Variants in YWHAG observed in about 807,000 individuals in gnomAD.
YWHAG encodes the protein 14-3-3 protein gamma.
In YWHAG, 1 loss-of-function variant was observed where a neutral mutation model predicts 23.3. The ratio of observed to expected loss-of-function variants is 0.04; its 90% CI spans 0.02 to 0.20. The LOEUF is 0.20. YWHAG is among the 10% of genes least tolerant of loss of function. YWHAG has a pLI of 1.00. For synonymous variants in YWHAG, 160 were observed against 144.0 expected, an observed-to-expected ratio of 1.11 and a Z score of -0.80; for missense variants, 151 against 338.6, an observed-to-expected ratio of 0.45 and a Z score of 4.35.
chr7:76,333,628 C>G (rs983542958), intron 1 of YWHAG, among the ~76,000 whole-genome samples: 3 of 152,226 alleles, frequency 2.0e-5, no homozygotes, highest in Non-Finnish European at 4.4e-5. Context: ...TTTCCATAAA[C>G]CCTAGTTCCA....
intron 1 of YWHAG, among the ~76,000 whole-genome samples, chr7:76,341,500 A>C (rs1803693699): frequency 6.6e-6 from 1 of 151,988 alleles, no homozygotes. Flanking sequence ...GCAAATGTAC[A>C]TCAAATGAGG....
Position 76,329,724 on chromosome 7 carries a change from G to T in YWHAG, c.597C>A (p.Thr199=), listed in dbSNP as rs771197922. ...APEQACHLAK[T]AFDDAIAELD... ...GCTCGGCGATGGCGTCGTCGAACGC[G>T]GTCTTGGCCAAGTGGCACGCTTGCT... The change falls in exon 2 of 2, where the codon ACC becomes ACA. Residue 199 remains threonine, a synonymous_variant. Transcript: ENST00000307630. The surrounding 1 kb of genome is among the most constrained non-coding windows in gnomAD (Gnocchi z 6.1). 2 of 1,614,188 alleles carry T rather than the reference G, an allele frequency of 1.2e-6. No homozygotes were observed. Among genetic ancestry groups the T allele is most frequent in the South Asian group, 2.2e-5 (2 of 91,084 alleles).
At chr7:76,338,382 G>A (rs1270874906) in intron 1 of YWHAG, among the ~76,000 whole-genome samples, 1 of 152,198 alleles carries the variant, frequency 6.6e-6, no homozygotes, top group Admixed American at 6.5e-5. Flanking sequence ...TCACAGATGA[G>A]AGGAGAGCTG....
rs576781143 is a variant in YWHAG, at chr7:76,341,399, T to G, written c.88-11166A>C. Among the ~76,000 whole-genome samples the G allele has an allele frequency of 2.1e-4, 16 of 77,696 alleles. 1 individual carries two copies. In the East Asian group the frequency reaches 7.3e-3, roughly 36 times the overall value. 51.0% of individuals were successfully genotyped at this position (77,696 alleles called of 152,430 possible). A position where few individuals can be genotyped will look rare whatever the true frequency, so the allele number is the denominator to read the frequency against. On this transcript the variant is annotated intron_variant, in intron 1 of 1. Transcript: ENST00000307630. The stretch of plus-strand genomic sequence containing the variant: ...AGCCTGGGTGACAGGACAAGACTCT[T>G]GCCTCAAAAAAAAAAAAAAAAAAAA...
chr7:76,334,197 A>G (rs1204739126), intron 1 of YWHAG, among the ~76,000 whole-genome samples: 1 of 152,236 alleles, frequency 6.6e-6, no homozygotes. Flanking sequence ...TATCCTTTAG[A>G]TCATAATTAC....
At position 76,358,636 on chromosome 7, in the gene YWHAG, A is replaced by G; in HGVS notation, c.87+86T>C. ...GGGGCGGTCAACCCGCCATCGCGAC[A>G]GGGCGACGAAGCCCCGGGCCTTCCA... On this transcript the variant is annotated intron_variant, in intron 1 of 1. Transcript: ENST00000307630. 4 of 1,336,644 alleles carry G rather than the reference A, an allele frequency of 3.0e-6. No individual in the cohort carries two copies. The South Asian group carries it at 4.3e-5, about 14-fold the overall frequency. 82.8% of individuals were successfully genotyped at this position (1,336,644 alleles called of 1,614,324 possible).
In YWHAG at chr7:76,328,799, C is replaced by CAAA. The variant is rs202129187; in HGVS notation, c.*775_*777dup. ...ATTTACGTTAAGAGGAAAGAAGGAC[C>CAAA]AAAAAAAAAAAATCCCACAGCCACC... On this transcript the variant is annotated 3_prime_UTR_variant, in exon 2 of 2. Coordinates refer to ENST00000307630, the MANE Select transcript of YWHAG (RefSeq NM_012479.4). The CAAA allele has an allele frequency of 2.0e-5, 3 of 147,886 alleles. No homozygotes were observed. The highest frequency in any genetic ancestry group is 2.5e-5 in the African/African-American group (1 of 40,334). 9.2% of individuals were successfully genotyped at this position (147,886 alleles called of 1,614,324 possible). A position where few individuals can be genotyped will look rare whatever the true frequency, so the allele number is the denominator to read the frequency against.
chr7:76,330,972 G>A (rs1803533981), intron 1 of YWHAG, among the ~76,000 whole-genome samples: 1 of 152,106 alleles, frequency 6.6e-6, no homozygotes, highest in Admixed American at 6.6e-5. Flanking sequence ...AGACTAAAGT[G>A]GCATCTCAAA....
At chr7:76,351,317 T>C (rs1803869164) in intron 1 of YWHAG, among the ~76,000 whole-genome samples, 1 of 152,220 alleles carries the variant, frequency 6.6e-6, no homozygotes, top group South Asian at 2.1e-4. Flanking sequence ...CTAGCTTTCC[T>C]CGCCTTGGAA....
intron 1 of YWHAG, among the ~76,000 whole-genome samples, chr7:76,344,642 T>G (rs1347621187): frequency 6.6e-6 from 1 of 152,224 alleles, no homozygotes; most frequent in Non-Finnish European, 1.5e-5. Context: ...GGAATCAATG[T>G]CATGCTCACT....
At position 76,345,352 on chromosome 7, in the gene YWHAG, A is replaced by C. The variant is rs4728691; in HGVS notation, c.87+13370T>G. On this transcript the variant is annotated intron_variant, in intron 1 of 1. Coordinates refer to ENST00000307630, the MANE Select transcript of YWHAG (RefSeq NM_012479.4). Reference sequence around the variant, plus strand: ...AGGCACCCGCCACAATGCCCAGCTAATTTTTTGTATTTTTTAGTAGAGACG... The same window carrying C: ...AGGCACCCGCCACAATGCCCAGCTACTTTTTTGTATTTTTTAGTAGAGACG... 8.2e-4 allele frequency among the ~76,000 whole-genome samples: 125 copies of C among 151,652 alleles called. 4 individuals carry two copies. The East Asian group carries it at 0.024, about 29-fold the overall frequency.
chr7:76,335,476 A>C (rs1803603076), intron 1 of YWHAG, among the ~76,000 whole-genome samples: 1 of 152,266 alleles, frequency 6.6e-6, no homozygotes, highest in South Asian at 2.1e-4. Flanking sequence ...CCAGCTGCTA[A>C]GGAATCAGAT....
At chr7:76,336,888 G>A (rs1803624130) in intron 1 of YWHAG, among the ~76,000 whole-genome samples, 1 of 152,000 alleles carries the variant, frequency 6.6e-6, no homozygotes. Context: ...GAGAAATGCA[G>A]TGAGTGCTAA....
In YWHAG at chr7:76,353,213, A is replaced by T. The variant is rs974808963; in HGVS notation, c.87+5509T>A. 2.6e-5 allele frequency among the ~76,000 whole-genome samples: 4 copies of T among 151,918 alleles called. No individual in the cohort carries two copies. The East Asian group carries it at 5.8e-4, about 22-fold the overall frequency. The stretch of plus-strand genomic sequence containing the variant: ...TTAAAATTAAAGCTTTCTTTTGGGA[A>T]TTTTTTTTCTTTTTTTCAAGATGGA... On this transcript the variant is annotated intron_variant, in intron 1 of 1. Transcript: ENST00000307630.
intron 1 of YWHAG, among the ~76,000 whole-genome samples, chr7:76,336,090 G>C (rs1803612039): frequency 6.6e-6 from 1 of 152,124 alleles, no homozygotes; most frequent in African/African-American, 2.4e-5. Context: ...CCAACACATT[G>C]ATTTAATAAA....
intron 1 of YWHAG, among the ~76,000 whole-genome samples, chr7:76,353,641 G>A (rs949685903): frequency 6.6e-6 from 1 of 152,154 alleles, no homozygotes; most frequent in African/African-American, 2.4e-5. Context: ...ATATGTTTTG[G>A]TAGTTAATCA....
chr7:76,341,360 C>T (rs1375674147), intron 1 of YWHAG, among the ~76,000 whole-genome samples: 4 of 139,434 alleles, frequency 2.9e-5, no homozygotes, highest in South Asian at 4.7e-4. Flanking sequence ...GCTGAGGTGG[C>T]GCCACTGCAC....
chr7:76,340,833 T>G (rs981980712), intron 1 of YWHAG, among the ~76,000 whole-genome samples: 1 of 152,292 alleles, frequency 6.6e-6, no homozygotes, highest in Admixed American at 6.5e-5. Context: ...GACTCAGCAA[T>G]TCCACTCCCA....
At chr7:76,355,357 G>A (rs1563669068) in intron 1 of YWHAG, among the ~76,000 whole-genome samples, 1 of 152,214 alleles carries the variant, frequency 6.6e-6, no homozygotes, top group Non-Finnish European at 1.5e-5. Context: ...CTGCAATGAG[G>A]ATGAACATTT....
Sources: allele counts gnomAD v4.1 joint callset (sites outside exome capture counted in the v4.1 genomes callset), GRCh38; gene constraint gnomAD v4.1.1; non-coding constraint Gnocchi (gnomAD v3.1); transcripts MANE v1.5; gene names NCBI Gene and HGNC (gene_info 2026-07-23, HGNC 2026-07-21).